FAM135B: variants seen among roughly 807,000 people sequenced by gnomAD.
FAM135B encodes family with sequence similarity 135 member B.
In FAM135B, 43 loss-of-function variants were observed where a neutral mutation model predicts 127.7. The ratio of observed to expected loss-of-function variants is 0.34; its 90% confidence interval spans 0.26 to 0.43. The LOEUF (loss-of-function observed/expected upper bound fraction) is 0.43, where lower values mean the gene tolerates loss of function less well. FAM135B is among the 20% of genes least tolerant of loss of function. The probability of loss-of-function intolerance (pLI) is 1.00; values close to 1 mark genes in which losing one functional copy is unlikely to be tolerated. For synonymous variants in FAM135B, 670 were observed against 665.1 expected, an observed-to-expected ratio of 1.01 and a Z score of -0.11; for missense variants, 1,558 against 1,725.6, an observed-to-expected ratio of 0.90 and a Z score of 1.72.
chr8:138,491,326 C>T (rs941668431), intron 1 of FAM135B, among the ~76,000 whole-genome samples: 3 of 152,098 alleles, frequency 2.0e-5, no homozygotes, highest in African/African-American at 7.2e-5. Flanking sequence ...CAACCAGGCC[C>T]ACACCCTCCA....
At chr8:138,401,368 T>C (rs1476423511) in intron 1 of FAM135B, among the ~76,000 whole-genome samples, 1 of 152,208 alleles carries the variant, frequency 6.6e-6, no homozygotes, top group African/African-American at 2.4e-5. Flanking sequence ...TTAAAATCAT[T>C]AAAACTTTCT....
chr8:138,264,194 A>G (rs1822743791), intron 4 of FAM135B, among the ~76,000 whole-genome samples: 1 of 152,132 alleles, frequency 6.6e-6, no homozygotes, highest in Non-Finnish European at 1.5e-5. Context: ...AGCTCATGGC[A>G]TGCCTGAATC....
chr8:138,284,735 C>T (rs1185747481), intron 3 of FAM135B, among the ~76,000 whole-genome samples: 1 of 152,018 alleles, frequency 6.6e-6, no homozygotes, highest in East Asian at 1.9e-4. Context: ...AAAGTCTTCC[C>T]TAATCTCCTT....
intron 19 of FAM135B, among the ~76,000 whole-genome samples, chr8:138,134,524 T>C (rs1816468452): frequency 6.6e-6 from 1 of 152,210 alleles, no homozygotes; most frequent in Non-Finnish European, 1.5e-5. Flanking sequence ...TTATATGTTT[T>C]CTCAAATACA....
intron 7 of FAM135B, among the ~76,000 whole-genome samples, chr8:138,209,141 T>C (rs1817941116): frequency 6.6e-6 from 1 of 152,164 alleles, no homozygotes; most frequent in Non-Finnish European, 1.5e-5. Context: ...GGTTCCTGTG[T>C]GCCCATCACT....
At chr8:138,302,614 G>C (rs1825970712) in intron 3 of FAM135B, among the ~76,000 whole-genome samples, 1 of 152,138 alleles carries the variant, frequency 6.6e-6, no homozygotes, top group Non-Finnish European at 1.5e-5. Flanking sequence ...TTGATGACCT[G>C]CACCAGAAAT....
At chr8:138,420,438 A>G (rs745943850) in intron 1 of FAM135B, among the ~76,000 whole-genome samples, 28 of 152,180 alleles carry the variant, frequency 1.8e-4, no homozygotes, top group Non-Finnish European at 1.5e-4. Context: ...TACAGGTGAC[A>G]CCAAAACTAC....
chr8:138,363,089 G>A (rs376732989), intron 2 of FAM135B, among the ~76,000 whole-genome samples: 2 of 152,176 alleles, frequency 1.3e-5, no homozygotes, highest in African/African-American at 4.8e-5. Context: ...GAGATGCTAG[G>A]GGGAAGAGGG....
At chr8:138,205,447 T>A (rs1002776714) in intron 7 of FAM135B, among the ~76,000 whole-genome samples, 2 of 152,168 alleles carry the variant, frequency 1.3e-5, no homozygotes, top group Admixed American at 6.5e-5. Context: ...AACTTCTAAC[T>A]CAGGCCAGGG....
Position 138,243,447 on chromosome 8 carries a change from C to T in FAM135B, c.543-379G>A, listed in dbSNP as rs6577899. On this transcript the variant is annotated intron_variant, in intron 6 of 19. Transcript: ENST00000395297. The surrounding 1 kb of genome is among the most constrained non-coding windows in gnomAD (Gnocchi z 7.5). The stretch of plus-strand genomic sequence containing the variant: ...GACCAGACAAGGTCTGAGTCCTGTC[C>T]CTGCTCCTTCCACCAACTCCTCCCT... Among the ~76,000 whole-genome samples the T allele has an allele frequency of 0.56, 85,081 of 152,078 alleles. 25,269 individuals are homozygous for T. The highest frequency in any genetic ancestry group is 0.77 in the African/African-American group (32,051 of 41,506).
chr8:138,341,907 T>G (rs997600010), intron 2 of FAM135B, among the ~76,000 whole-genome samples: 3 of 152,176 alleles, frequency 2.0e-5, no homozygotes, highest in Non-Finnish European at 4.4e-5. Context: ...CTAATAAGCC[T>G]TTAACACGTT....
intron 1 of FAM135B, among the ~76,000 whole-genome samples, chr8:138,411,704 A>C (rs1833876514): frequency 6.6e-6 from 1 of 152,170 alleles, no homozygotes; most frequent in Middle Eastern, 3.2e-3. Context: ...CAGGCAACCT[A>C]CAGAATGGGA....
chr8:138,378,625 C>CT (rs965761505), intron 1 of FAM135B, among the ~76,000 whole-genome samples: 23 of 152,142 alleles, frequency 1.5e-4, no homozygotes, highest in African/African-American at 5.3e-4. Context: ...AATCACATCT[C>CT]TGACCCTCAC....
At chr8:138,466,613 G>C (rs529881728) in intron 1 of FAM135B, among the ~76,000 whole-genome samples, 3 of 152,110 alleles carry the variant, frequency 2.0e-5, no homozygotes, top group South Asian at 4.1e-4. Flanking sequence ...CTGAACAACC[G>C]AATTTAAATA....
chr8:138,314,361 G>A (rs904667897), intron 2 of FAM135B, among the ~76,000 whole-genome samples: 6 of 152,012 alleles, frequency 3.9e-5, no homozygotes, highest in African/African-American at 1.2e-4. Flanking sequence ...ACATACTACT[G>A]TAAATATTGA....
intron 1 of FAM135B, among the ~76,000 whole-genome samples, chr8:138,420,558 A>G (rs1029520980): frequency 2.0e-5 from 3 of 151,988 alleles, no homozygotes; most frequent in African/African-American, 7.2e-5. Flanking sequence ...CAACAGAAAA[A>G]GAAAACAGTC....
chr8:138,168,051 TG>T lies in FAM135B; in HGVS notation c.1104-3del, dbSNP rs755676952. On this transcript the variant is annotated splice_region_variant and splice_polypyrimidine_tract_variant and intron_variant, in intron 11 of 19. Transcript: ENST00000395297. ...GACAGCTGGCTGTGCGTCTGTATCC[TG>T]GGGAGCACATGGCAGGGTGAGCGTC... 12 of 1,609,994 alleles carry T rather than the reference TG, an allele frequency of 7.5e-6. No homozygotes were observed. The Admixed American group carries it at 1.5e-4, about 20-fold the overall frequency.
chr8:138,181,296 G>C (rs1420651722), intron 9 of FAM135B, among the ~76,000 whole-genome samples: 1 of 152,236 alleles, frequency 6.6e-6, no homozygotes, highest in African/African-American at 2.4e-5. Flanking sequence ...GGCGGACAGG[G>C]TCAGTCATTA....
At chr8:138,319,290 A>G (rs1044994622) in intron 2 of FAM135B, among the ~76,000 whole-genome samples, 12 of 152,170 alleles carry the variant, frequency 7.9e-5, no homozygotes, top group Admixed American at 5.2e-4. Flanking sequence ...TATTTTTAGT[A>G]GAGACGGGGT....
Sources: gnomAD v4.1 joint callset for allele counts (sites outside exome capture counted in the v4.1 genomes callset) on GRCh38, gnomAD v4.1.1 for gene constraint, Gnocchi (gnomAD v3.1) non-coding constraint, MANE v1.5 for transcripts, NCBI Gene and HGNC (gene_info 2026-07-23, HGNC 2026-07-21) for gene names.